PTPRJ: variants seen among roughly 807,000 people sequenced by gnomAD.
PTPRJ encodes the protein receptor-type tyrosine-protein phosphatase eta.
PTPRJ carries 129 observed loss-of-function variants against 141.3 expected under a neutral mutation model. The observed-to-expected ratio is 0.91, with a 90% CI of 0.79 to 1.06. The LOEUF (loss-of-function observed/expected upper bound fraction) is 1.06. PTPRJ is among the 50% of genes least tolerant of loss of function. PTPRJ has a pLI of 0.00. For missense variants in PTPRJ, 1,601 were observed against 1,679.7 expected, an observed-to-expected ratio of 0.95 and a Z score of 0.82; for synonymous variants, 610 against 640.5, an observed-to-expected ratio of 0.95 and a Z score of 0.72.
intron 1 of PTPRJ, among the ~76,000 whole-genome samples, chr11:48,067,922 G>T (rs1434022446): frequency 6.6e-6 from 1 of 152,182 alleles, no homozygotes; most frequent in Non-Finnish European, 1.5e-5. Context: ...TGAGAATACA[G>T]AAGGCCCATG....
Position 48,153,853 on chromosome 11 carries a change from A to G in PTPRJ, c.3196A>G (p.Arg1066Gly). 6.2e-7 allele frequency: 1 copy of G among 1,613,724 alleles called. No individual in the cohort carries two copies. The highest frequency in any genetic ancestry group is 8.5e-7 in the Non-Finnish European group (1 of 1,179,616). Residue 1066 changes from arginine (R) to glycine (G), a missense_variant, in exon 19 of 25, where the codon AGA becomes GGA. Physicochemically the swap from Arg to Gly is moderately radical, Grantham distance 125 (BLOSUM62 -2). Coordinates refer to ENST00000418331, the MANE Select transcript of PTPRJ (RefSeq NM_002843.4). ...PKYAAELAEN[R>G]GKNRYNNVLP... Reference sequence around the variant, plus strand: ...ATATGCAGCAGAACTGGCTGAGAATAGAGGAAAGAATCGCTATAATAATGT... The same window carrying G: ...ATATGCAGCAGAACTGGCTGAGAATGGAGGAAAGAATCGCTATAATAATGT...
chr11:48,150,133 T>A lies in PTPRJ; in HGVS notation c.3088T>A (p.Phe1030Ile), dbSNP rs1194889888. The A allele has an allele frequency of 6.2e-7, 1 of 1,614,026 alleles. No individual in the cohort carries two copies. Among genetic ancestry groups the A allele is most frequent in the Non-Finnish European group, 8.5e-7 (1 of 1,180,004 alleles). ...CAGAGTGGAGAATTTTGAGGCCTACTTCAAGAAGCAGCAAGCTGACTCCAA... is the reference window on the plus strand; with the variant it reads ...CAGAGTGGAGAATTTTGAGGCCTACATCAAGAAGCAGCAAGCTGACTCCAA... Reference protein sequence around the residue: ...LIRVENFEAYFKKQQADSNCG... With the variant: ...LIRVENFEAYIKKQQADSNCG... Residue 1030 changes from phenylalanine (F) to isoleucine (I), a missense_variant, in exon 18 of 25, where the codon TTC becomes ATC. Physicochemically the swap from Phe to Ile is conservative, Grantham distance 21. Transcript: ENST00000418331.
intron 1 of PTPRJ, among the ~76,000 whole-genome samples, chr11:48,064,778 G>A (rs770888663): frequency 8.6e-5 from 13 of 150,942 alleles, no homozygotes; most frequent in Admixed American, 3.3e-4. Flanking sequence ...ACTGAGTCTC[G>A]CCCATCTAAT....
At chr11:47,987,661 C>T (rs946854986) in intron 1 of PTPRJ, among the ~76,000 whole-genome samples, 1 of 152,186 alleles carries the variant, frequency 6.6e-6, no homozygotes, top group Non-Finnish European at 1.5e-5. Flanking sequence ...GTGGAGATCC[C>T]TGAAAGTGGT....
In PTPRJ at chr11:48,145,085, A is replaced by C; in HGVS notation, c.2872A>C (p.Ser958Arg). Residue 958 changes from serine (S) to arginine (R), a missense_variant, in exon 14 of 25, where the codon AGT (serine) becomes CGT (arginine). Ser to Arg is a moderately radical substitution (Grantham distance 110). Coordinates refer to ENST00000418331, the MANE Select transcript of PTPRJ (RefSeq NM_002843.4). ...TGGGGCTGAGAGCTATGTGTCCTTC[A>C]GTCGCTACTCAGATGCTGTTTCCTT... ...IDGAESYVSF[S>R]RYSDAVSLPQ... is the part of the protein sequence containing the mutation. The C allele has an allele frequency of 1.9e-6, 3 of 1,614,192 alleles. No individual in the cohort carries two copies. The highest frequency in any genetic ancestry group is 1.7e-6 in the Non-Finnish European group (2 of 1,180,024).
At chr11:48,090,103 C>A (rs1357492451) in intron 1 of PTPRJ, among the ~76,000 whole-genome samples, 1 of 152,168 alleles carries the variant, frequency 6.6e-6, no homozygotes, top group African/African-American at 2.4e-5. Context: ...CTCCCCCCAA[C>A]CAAGGAAACT....
intron 3 of PTPRJ, among the ~76,000 whole-genome samples, chr11:48,119,553 C>T (rs774509426): frequency 2.0e-5 from 3 of 152,122 alleles, no homozygotes; most frequent in Admixed American, 1.3e-4. Flanking sequence ...TGGCTGCCAC[C>T]ATGCCCAATT....
chr11:47,995,560 C>G (rs1032781870), intron 1 of PTPRJ, among the ~76,000 whole-genome samples: 5 of 152,186 alleles, frequency 3.3e-5, no homozygotes, highest in African/African-American at 1.2e-4. Flanking sequence ...CCACAGAAAA[C>G]AAGAGTATCT....
At chr11:48,010,996 A>G (rs1443037591) in intron 1 of PTPRJ, among the ~76,000 whole-genome samples, 1 of 152,104 alleles carries the variant, frequency 6.6e-6, no homozygotes, top group East Asian at 1.9e-4. Context: ...CTTTAAATAA[A>G]GAGTGGGGTT....
At chr11:48,047,260 AT>A (rs1854432403) in intron 1 of PTPRJ, among the ~76,000 whole-genome samples, 1 of 152,014 alleles carries the variant, frequency 6.6e-6, no homozygotes, top group Non-Finnish European at 1.5e-5. Flanking sequence ...AGAATTATCA[AT>A]CCTTTTGTTA....
Position 47,980,583 on chromosome 11 carries a change from G to A in PTPRJ, c.-330G>A, listed in dbSNP as rs1255510696. The A allele has an allele frequency of 1.0e-6, 1 of 983,074 alleles. No homozygotes were observed. Among genetic ancestry groups the A allele is most frequent in the Non-Finnish European group, 1.2e-6 (1 of 829,138 alleles). The allele number at this position is 983,074 out of a possible 1,614,324, so 60.9% of individuals were successfully genotyped here. On this transcript the variant is annotated 5_prime_UTR_variant, in exon 1 of 25. Coordinates refer to ENST00000418331, the MANE Select transcript of PTPRJ (RefSeq NM_002843.4). ...CAGCCCCAGCCGCATGACGCGCGGA[G>A]GAGGCAGCGGGAGCAGCCGCGGGAG...
chr11:48,111,066 C>G (rs972064139), intron 2 of PTPRJ, among the ~76,000 whole-genome samples: 7 of 151,986 alleles, frequency 4.6e-5, no homozygotes, highest in African/African-American at 1.7e-4. Context: ...CACCTGAATT[C>G]AGGAGTTCGA....
intron 1 of PTPRJ, among the ~76,000 whole-genome samples, chr11:48,021,067 C>T (rs1855105456): frequency 6.6e-6 from 1 of 152,132 alleles, no homozygotes; most frequent in East Asian, 1.9e-4. Context: ...CAGCCCAGCC[C>T]AGAACCCTTA....
At chr11:47,997,868 CGA>C (rs35161554) in intron 1 of PTPRJ, among the ~76,000 whole-genome samples, 62,447 of 151,716 alleles carry the variant, frequency 0.41, 18,009 homozygotes, top group African/African-American at 0.83. Flanking sequence ...GGGTGTAAAG[CGA>C]GAGAGAGAAT....
chr11:48,112,774 T>C lies in PTPRJ; in HGVS notation c.143T>C (p.Val48Ala), dbSNP rs752387252. The C allele has an allele frequency of 6.2e-7, 1 of 1,614,098 alleles. No individual in the cohort carries two copies. The change falls in exon 3 of 25, where the codon GTA becomes GCA. Residue 48 changes from valine to alanine, a missense_variant. By Grantham distance (64) the Val-to-Ala change is moderately conservative. Transcript: ENST00000418331. ...GTPSPIPDPSVATVATGENGI... is the reference protein window; with the variant it reads ...GTPSPIPDPSAATVATGENGI... ...CCTAGTCCAATTCCTGACCCTTCAG[T>C]AGCAACTGTTGCCACAGGGGAAAAT... is the stretch of plus-strand genomic sequence containing the variant.
intron 5 of PTPRJ, among the ~76,000 whole-genome samples, chr11:48,124,493 A>T (rs1856790050): frequency 1.3e-5 from 2 of 152,158 alleles, no homozygotes; most frequent in African/African-American, 4.8e-5. Context: ...CATCAGCTTC[A>T]TTCTCAGAGC....
chr11:48,041,380 A>G (rs1392881534), intron 1 of PTPRJ, among the ~76,000 whole-genome samples: 1 of 152,210 alleles, frequency 6.6e-6, no homozygotes, highest in African/African-American at 2.4e-5. Flanking sequence ...TACTGTGTGC[A>G]TGCATTCCAT....
intron 1 of PTPRJ, among the ~76,000 whole-genome samples, chr11:48,030,337 A>G (rs1332445704): frequency 6.6e-6 from 1 of 152,164 alleles, no homozygotes; most frequent in African/African-American, 2.4e-5. Flanking sequence ...TAGAGGTAGT[A>G]GTTTAGGGCT....
intron 1 of PTPRJ, among the ~76,000 whole-genome samples, chr11:48,034,361 T>C (rs1055637695): frequency 2.0e-5 from 3 of 152,140 alleles, no homozygotes; most frequent in African/African-American, 7.2e-5. Flanking sequence ...TCTTAGAATT[T>C]AGGTCTCAGT....
Sources: allele counts gnomAD v4.1 joint callset (sites outside exome capture counted in the v4.1 genomes callset), GRCh38; gene constraint gnomAD v4.1.1; transcripts MANE v1.5; gene names NCBI Gene and HGNC (gene_info 2026-07-23, HGNC 2026-07-21).